The following ADAMTS14 variants were observed in gnomAD, a reference collection of about 807,000 sequenced individuals.
ADAMTS14 encodes the protein A disintegrin and metalloproteinase with thrombospondin motifs 14.
ADAMTS14 carries 100 observed loss-of-function variants against 128.6 expected under a neutral mutation model. That is an observed-to-expected ratio of 0.78 (90% CI 0.66 to 0.92). The LOEUF (loss-of-function observed/expected upper bound fraction) is 0.92, where lower values mean the gene tolerates loss of function less well. Ranked by LOEUF, ADAMTS14 falls within the 40% of genes least tolerant of loss-of-function variation. The pLI is 0.00. For synonymous variants in ADAMTS14, 665 were observed against 653.8 expected, an observed-to-expected ratio of 1.02 and a Z score of -0.26; for missense variants, 1,562 against 1,658.6, an observed-to-expected ratio of 0.94 and a Z score of 1.01.
At chr10:70,690,282 C>T (rs907070300) in intron 2 of ADAMTS14, among the ~76,000 whole-genome samples, 1 of 144,364 alleles carries the variant, frequency 6.9e-6, no homozygotes, top group African/African-American at 2.5e-5. Flanking sequence ...AATCTGGAAC[C>T]TGTGCTAGTG....
chr10:70,680,587 C>T (rs1839773741), intron 2 of ADAMTS14, among the ~76,000 whole-genome samples: 1 of 152,142 alleles, frequency 6.6e-6, no homozygotes, highest in African/African-American at 2.4e-5. Flanking sequence ...CTTCATCTCC[C>T]TATGCTTAGA....
intron 4 of ADAMTS14, among the ~76,000 whole-genome samples, chr10:70,722,575 C>G (rs1841305234): frequency 6.6e-6 from 1 of 152,148 alleles, no homozygotes; most frequent in South Asian, 2.1e-4. Flanking sequence ...ATGGCTGACT[C>G]TGGGACTAGG....
chr10:70,708,494 A>C, intron 3 of ADAMTS14, 94 bp from the exon 4 acceptor site: 1 of 1,117,844 alleles, frequency 8.9e-7, no homozygotes, highest in Non-Finnish European at 1.3e-6. Flanking sequence ...GGAAAGGGGC[A>C]CCAGTGATGG....
At chr10:70,705,002 TACTC>T (rs112833649) in intron 3 of ADAMTS14, among the ~76,000 whole-genome samples, 3,503 of 151,836 alleles carry the variant, frequency 0.023, 148 homozygotes, top group African/African-American at 0.079. Flanking sequence ...ACCCCCTACA[TACTC>T]ACACACCCCT....
chr10:70,757,937 C>T (rs376182649), intron 19 of ADAMTS14, 25 bp from the exon 20 acceptor site: 3 of 1,586,656 alleles, frequency 1.9e-6, no homozygotes, highest in Non-Finnish European at 2.6e-6. Flanking sequence ...GGCCGCTATG[C>T]CTGGCACTGA....
At chr10:70,711,161 G>A (rs1840844777) in intron 4 of ADAMTS14, among the ~76,000 whole-genome samples, 1 of 152,242 alleles carries the variant, frequency 6.6e-6, no homozygotes, top group Non-Finnish European at 1.5e-5. Context: ...ATTGGAACTA[G>A]AGGAAGTTTT....
At position 70,730,123 on chromosome 10, in the gene ADAMTS14, G is replaced by C; in HGVS notation, c.976G>C (p.Gly326Arg). 6.2e-7 allele frequency: 1 copy of C among 1,608,466 alleles called. No individual in the cohort carries two copies. The change falls in exon 6 of 22, where the codon GGG (glycine) becomes CGG (arginine). Residue 326 changes from glycine to arginine, a missense_variant. Transcript: ENST00000373207. ...GCAGTCCCTGAGCCTGATCGAGCGCGGGAACCCCTCACGCAGCCTGGAGCA... is the reference window on the plus strand; with the variant it reads ...GCAGTCCCTGAGCCTGATCGAGCGCCGGAACCCCTCACGCAGCCTGGAGCA... ...YRQSLSLIER[G>R]NPSRSLEQVC... is the part of the protein sequence containing the mutation.
In ADAMTS14 at chr10:70,757,982, G is replaced by A; in HGVS notation, c.2958G>A (p.Glu986=). 3 of 1,612,382 alleles carry A rather than the reference G, an allele frequency of 1.9e-6. No individual in the cohort carries two copies. Among genetic ancestry groups the A allele is most frequent in the Non-Finnish European group, 2.5e-6 (3 of 1,179,474 alleles). Residue 986 remains glutamate, a synonymous_variant, in exon 20 of 22, where the codon GAG becomes GAA. Coordinates refer to ENST00000373207, the MANE Select transcript of ADAMTS14 (RefSeq NM_080722.4). The part of the protein sequence containing the change: ...AWSQCSATCG[E]GIQQRQVVCR... Reference sequence around the variant, plus strand: ...GGCAGTGCTCTGCCACCTGTGGAGAGGGCATCCAGCAGCGGCAGGTGGTGT... The same window carrying A: ...GGCAGTGCTCTGCCACCTGTGGAGAAGGCATCCAGCAGCGGCAGGTGGTGT...
chr10:70,737,589 C>T (rs944150568), intron 10 of ADAMTS14, among the ~76,000 whole-genome samples: 1 of 152,234 alleles, frequency 6.6e-6, no homozygotes, highest in African/African-American at 2.4e-5. Flanking sequence ...CCTAGCCAGG[C>T]TCCTCCTATT....
Position 70,736,672 on chromosome 10 carries a change from C to T in ADAMTS14, c.1486-8C>T, listed in dbSNP as rs753002736. On this transcript the variant is annotated splice_polypyrimidine_tract_variant and splice_region_variant and intron_variant, in intron 9 of 21. Coordinates refer to ENST00000373207, the MANE Select transcript of ADAMTS14 (RefSeq NM_080722.4). Reference sequence around the variant, plus strand: ...CCAGTCTGGTGACCCCATTCCCTTGCCATGCAGTTCAGGACCTTTGAGCCC... The same window carrying T: ...CCAGTCTGGTGACCCCATTCCCTTGTCATGCAGTTCAGGACCTTTGAGCCC... 6.2e-7 allele frequency: 1 copy of T among 1,612,368 alleles called. No homozygotes were observed. The highest frequency in any genetic ancestry group is 1.1e-5 in the South Asian group (1 of 90,862).
At chr10:70,723,590 T>C (rs781566032) in intron 4 of ADAMTS14, among the ~76,000 whole-genome samples, 2 of 152,232 alleles carry the variant, frequency 1.3e-5, no homozygotes, top group African/African-American at 2.4e-5. Context: ...GAGGATTCAG[T>C]GAAGCAATGC....
intron 3 of ADAMTS14, among the ~76,000 whole-genome samples, chr10:70,706,223 A>C (rs865799242): frequency 3.5e-4 from 53 of 152,140 alleles, no homozygotes; most frequent in South Asian, 4.1e-4. Context: ...GCAGAGAGAG[A>C]ATTATGGCTG....
intron 7 of ADAMTS14, 75 bp from the exon 8 acceptor site, chr10:70,733,810 G>GGCGT: frequency 1.3e-6 from 2 of 1,544,732 alleles, no homozygotes; most frequent in Non-Finnish European, 1.8e-6. Flanking sequence ...TCCTGCTGCT[G>GGCGT]GCCTGCCTGC....
At chr10:70,757,930 C>A in intron 19 of ADAMTS14, 32 bp from the exon 20 acceptor site, 1 of 1,565,220 alleles carries the variant, frequency 6.4e-7, no homozygotes, top group Non-Finnish European at 8.6e-7. Flanking sequence ...TGACCCCGGC[C>A]GCTATGCCTG....
chr10:70,688,331 C>G (rs1840054793), intron 2 of ADAMTS14, among the ~76,000 whole-genome samples: 1 of 93,958 alleles, frequency 1.1e-5, no homozygotes, highest in Non-Finnish European at 2.4e-5. Flanking sequence ...AGAGGCGCTC[C>G]TCACTTCCTA....
intron 21 of ADAMTS14, among the ~76,000 whole-genome samples, chr10:70,759,663 T>C (rs1842560584): frequency 6.6e-6 from 1 of 152,180 alleles, no homozygotes; most frequent in African/African-American, 2.4e-5. Context: ...GAAATCTGCT[T>C]GATTCCAAAT....
intron 4 of ADAMTS14, among the ~76,000 whole-genome samples, chr10:70,709,394 G>A (rs539514567): frequency 2.0e-5 from 3 of 151,404 alleles, no homozygotes; most frequent in South Asian, 2.1e-4. Context: ...TCACAGAAAA[G>A]CTAGTTTTTC....
At position 70,710,121 on chromosome 10, in the gene ADAMTS14, T is replaced by C. The variant is rs376675218; in HGVS notation, c.870+1343T>C. Among the ~76,000 whole-genome samples, 67 of 152,268 alleles carry C rather than the reference T, an allele frequency of 4.4e-4. 1 individual carries two copies. In the East Asian group the frequency reaches 5.6e-3, roughly 13 times the overall value. ...TGTAGTACCGGAGGCAGGTGACCCA[T>C]TGGGATAGACCCCAGCTCAGCATGG... is the stretch of plus-strand genomic sequence containing the variant. On this transcript the variant is annotated intron_variant, in intron 4 of 21. Coordinates refer to ENST00000373207, the MANE Select transcript of ADAMTS14 (RefSeq NM_080722.4).
chr10:70,735,310 C>A lies in ADAMTS14; in HGVS notation c.1485+9C>A. The A allele has an allele frequency of 6.2e-7, 1 of 1,613,186 alleles. No individual in the cohort carries two copies. The highest frequency in any genetic ancestry group is 8.5e-7 in the Non-Finnish European group (1 of 1,179,628). On this transcript the variant is annotated intron_variant, in intron 9 of 21. Coordinates refer to ENST00000373207, the MANE Select transcript of ADAMTS14 (RefSeq NM_080722.4). ...ACCAGACCTGCTTGGCAGTAAGTAG[C>A]CATCTGGCCTCTGCCAGGTGGTTGG...
Sources: gnomAD v4.1 joint callset for allele counts (sites outside exome capture counted in the v4.1 genomes callset) on GRCh38, gnomAD v4.1.1 for gene constraint, MANE v1.5 for transcripts, NCBI Gene and HGNC (gene_info 2026-07-23, HGNC 2026-07-21) for gene names.